The following HS2ST1 variants were observed in gnomAD, a reference collection of about 807,000 sequenced individuals.
The protein encoded by HS2ST1 is 2-O-sulfotransferase.
Under a neutral mutation model 42.9 loss-of-function variants are expected in HS2ST1, and 18 were observed. The ratio of observed to expected loss-of-function variants is 0.42; its 90% CI spans 0.29 to 0.62. The LOEUF is 0.62. Ranked by LOEUF, HS2ST1 falls within the 20% of genes least tolerant of loss-of-function variation. HS2ST1 has a pLI of 0.21. For missense variants in HS2ST1, 334 were observed against 433.8 expected (o/e 0.77, Z 2.04); for synonymous variants, 146 against 152.9 (o/e 0.95, Z 0.33).
intron 1 of HS2ST1, among the ~76,000 whole-genome samples, chr1:86,994,912 A>G (rs568025845): frequency 5.3e-5 from 8 of 152,152 alleles, no homozygotes; most frequent in African/African-American, 1.7e-4. Context: ...GAATATTTCA[A>G]ATTTCAAATC....
chr1:86,954,065 A>T (rs1647606509), intron 1 of HS2ST1, among the ~76,000 whole-genome samples: 1 of 144,480 alleles, frequency 6.9e-6, no homozygotes, highest in Non-Finnish European at 1.5e-5. Context: ...AAAAAAAAAA[A>T]AAAAGGCCGG....
chr1:86,985,523 TATATATAC>T (rs1317359493), intron 1 of HS2ST1, among the ~76,000 whole-genome samples: 9 of 16,118 alleles, frequency 5.6e-4, no homozygotes, highest in Non-Finnish European at 1.6e-3. Context: ...TATATACACA[TATATATAC>T]ATATATATAC....
chr1:86,929,647 T>A (rs1198482825), intron 1 of HS2ST1, among the ~76,000 whole-genome samples: 1 of 151,852 alleles, frequency 6.6e-6, no homozygotes, highest in Non-Finnish European at 1.5e-5. Flanking sequence ...TGTGTTTATG[T>A]GCGTATACAT....
At chr1:87,071,926 A>G (rs966734185) in intron 1 of HS2ST1, among the ~76,000 whole-genome samples, 16 of 152,102 alleles carry the variant, frequency 1.1e-4, no homozygotes, top group South Asian at 8.3e-4. Flanking sequence ...AGTATTTGCA[A>G]TCTTGCTAGA....
intron 2 of HS2ST1, among the ~76,000 whole-genome samples, chr1:87,081,358 A>G (rs1056082119): frequency 7.9e-5 from 12 of 152,216 alleles, no homozygotes; most frequent in African/African-American, 2.2e-4. Flanking sequence ...AATTATATCA[A>G]ATATCTTCTC....
At chr1:86,985,487 C>CAT (rs753533249) in intron 1 of HS2ST1, among the ~76,000 whole-genome samples, 3 of 103,726 alleles carry the variant, frequency 2.9e-5, no homozygotes, top group African/African-American at 9.9e-5. Flanking sequence ...CATATATACA[C>CAT]ATATATATAC....
At chr1:87,093,745 C>T (rs1268984500) in intron 4 of HS2ST1, among the ~76,000 whole-genome samples, 2 of 152,050 alleles carry the variant, frequency 1.3e-5, no homozygotes, top group Admixed American at 1.3e-4. Context: ...TAAACTATTA[C>T]ACAGTAGTGA....
At chr1:87,021,721 G>T (rs964491138) in intron 1 of HS2ST1, among the ~76,000 whole-genome samples, 1 of 152,090 alleles carries the variant, frequency 6.6e-6, no homozygotes, top group African/African-American at 2.4e-5. Flanking sequence ...TCACTTTGTT[G>T]CATAGTCTGG....
At chr1:86,997,094 T>C (rs1649123336) in intron 1 of HS2ST1, among the ~76,000 whole-genome samples, 2 of 152,186 alleles carry the variant, frequency 1.3e-5, no homozygotes, top group Non-Finnish European at 2.9e-5. Flanking sequence ...GTCTTTTCCT[T>C]GAGGGAATTT....
At chr1:86,984,200 A>C (rs1648691479) in intron 1 of HS2ST1, among the ~76,000 whole-genome samples, 1 of 152,202 alleles carries the variant, frequency 6.6e-6, no homozygotes, top group Admixed American at 6.5e-5. Flanking sequence ...ATTTTTCCAA[A>C]GTCACAAATT....
At chr1:87,016,889 T>A (rs1265451596) in intron 1 of HS2ST1, among the ~76,000 whole-genome samples, 1 of 152,022 alleles carries the variant, frequency 6.6e-6, no homozygotes, top group Non-Finnish European at 1.5e-5. Flanking sequence ...GTTTTCACTT[T>A]CTTTTTGGGG....
In HS2ST1 at chr1:87,098,042, C is replaced by CT. The variant is rs1347107742; in HGVS notation, c.686+108dup. On this transcript the variant is annotated intron_variant, in intron 5 of 6. Transcript: ENST00000370550. ...ATAGGGAAATCGGTGAAAGACTAGA[C>CT]TAAAAATAACATGTAATTCAGTAAT... The CT allele has an allele frequency of 2.2e-5, 34 of 1,517,368 alleles. No individual in the cohort carries two copies. The African/African-American group carries it at 3.2e-4, about 14-fold the overall frequency. 94.0% of individuals were successfully genotyped at this position (1,517,368 alleles called of 1,614,324 possible).
chr1:87,103,627 G>T, intron 6 of HS2ST1, 38 bp downstream of exon 6: 1 of 1,442,298 alleles, frequency 6.9e-7, no homozygotes, highest in Non-Finnish European at 9.1e-7. Flanking sequence ...AGCTTTCTTT[G>T]GTTTGGTTTT....
rs181490983 is a variant in HS2ST1 at position 87,024,366 on chromosome 1, T to A, written c.125-48568T>A. ...AAAATACAAAAATTAGATGGCGTGG[T>A]GGTGCACGACTGTAATCCCAGCTAA... On this transcript the variant is annotated intron_variant, in intron 1 of 6. Coordinates refer to ENST00000370550, the MANE Select transcript of HS2ST1 (RefSeq NM_012262.4). 2.6e-5 allele frequency among the ~76,000 whole-genome samples: 4 copies of A among 152,072 alleles called. No individual in the cohort carries two copies. In the East Asian group the frequency reaches 7.7e-4, roughly 29 times the overall value.
At chr1:87,004,559 T>C (rs1243153257) in intron 1 of HS2ST1, among the ~76,000 whole-genome samples, 1 of 152,210 alleles carries the variant, frequency 6.6e-6, no homozygotes, top group African/African-American at 2.4e-5. Flanking sequence ...GTACTGTTTA[T>C]AAGCAGAGAA....
intron 1 of HS2ST1, among the ~76,000 whole-genome samples, chr1:87,053,918 C>G (rs1330002484): frequency 5.1e-5 from 1 of 19,760 alleles, no homozygotes; most frequent in South Asian, 1.6e-3. Context: ...ATAAAATTCT[C>G]TTTTTTTTAA....
chr1:87,003,615 C>A (rs755301635), intron 1 of HS2ST1, among the ~76,000 whole-genome samples: 1 of 152,046 alleles, frequency 6.6e-6, no homozygotes, highest in Non-Finnish European at 1.5e-5. Flanking sequence ...ACAGTCAGCT[C>A]CCTGTACCCA....
At chr1:86,936,149 G>A (rs4408126) in intron 1 of HS2ST1, among the ~76,000 whole-genome samples, 1 of 151,992 alleles carries the variant, frequency 6.6e-6, no homozygotes, top group Non-Finnish European at 1.5e-5. Context: ...TTAATTTTCA[G>A]AAGCTGCTTT....
At chr1:87,069,356 A>G (rs7543542) in intron 1 of HS2ST1, among the ~76,000 whole-genome samples, 105,949 of 152,112 alleles carry the variant, frequency 0.7, 39,183 homozygotes, top group East Asian at 0.97. Flanking sequence ...AATGTGGCAT[A>G]ACTAGTTAAC....
Sources: gnomAD v4.1 joint callset for allele counts (sites outside exome capture counted in the v4.1 genomes callset) on GRCh38, gnomAD v4.1.1 for gene constraint, MANE v1.5 for transcripts, NCBI Gene and HGNC (gene_info 2026-07-23, HGNC 2026-07-21) for gene names.